The following CBFA2T3 variants were observed in gnomAD, a reference collection of about 807,000 sequenced individuals.
The protein encoded by CBFA2T3 is transcriptional corepressor CBFA2T3.
A neutral mutation model predicts 58.6 loss-of-function variants in CBFA2T3; 31 were observed. That is an observed-to-expected ratio of 0.53 (90% CI 0.40 to 0.71). CBFA2T3 has a LOEUF of 0.71. Ranked by LOEUF, CBFA2T3 falls within the 30% of genes least tolerant of loss-of-function variation. The pLI is 0.00. For synonymous variants in CBFA2T3, 531 were observed against 421.9 expected, an observed-to-expected ratio of 1.26 and a Z score of -3.17; for missense variants, 1,076 against 963.1, an observed-to-expected ratio of 1.12 and a Z score of -1.55.
At position 88,885,806 on chromosome 16, in the gene CBFA2T3, T is replaced by C. The variant is rs1357947779; in HGVS notation, c.893+155A>G. 2.3e-5 allele frequency: 15 copies of C among 644,154 alleles called. No individual in the cohort carries two copies. Among genetic ancestry groups the C allele is most frequent in the Admixed American group, 8.5e-5 (3 of 35,112 alleles). 39.9% of individuals were successfully genotyped at this position (644,154 alleles called of 1,614,324 possible). A position where few individuals can be genotyped will look rare whatever the true frequency, so the allele number is the denominator to read the frequency against. ...CCGCCCGTGCAGCCACCAAGCCTGC[T>C]GGCCCTAGTACACCTCGCCACGCTC... On this transcript the variant is annotated intron_variant, in intron 6 of 11. Transcript: ENST00000268679. This position sits in a 1 kb window ranked among gnomAD's most constrained non-coding sequence, Gnocchi z 5.3.
chr16:88,905,472 C>A (rs917744141), intron 1 of CBFA2T3, among the ~76,000 whole-genome samples: 2 of 151,930 alleles, frequency 1.3e-5, no homozygotes, highest in African/African-American at 4.8e-5. Flanking sequence ...GGTCCTGCCT[C>A]TTGTTTGACC....
chr16:88,897,962 G>A, intron 3 of CBFA2T3, 116 bp downstream of exon 3: 1 of 774,940 alleles, frequency 1.3e-6, no homozygotes, highest in South Asian at 1.4e-5. Context: ...GCAATGCTGA[G>A]GGTGCGGAGG....
chr16:88,891,915 G>T lies in CBFA2T3; in HGVS notation c.678C>A (p.Phe226Leu). 1 of 1,613,364 alleles carries T rather than the reference G, an allele frequency of 6.2e-7. No homozygotes were observed. The highest frequency in any genetic ancestry group is 8.5e-7 in the Non-Finnish European group (1 of 1,179,808). ...AGGGAATGACAAACGGCCGCAGAGG[G>T]AAGTTGGTGGCCTCCTGAAGCTTGG... ...FHSKLQEATN[F>L]PLRPFVIPFL... Residue 226 changes from phenylalanine to leucine, a missense_variant, in exon 5 of 12, where the codon TTC becomes TTA. By Grantham distance (22) the Phe-to-Leu change is conservative. Coordinates refer to ENST00000268679, the MANE Select transcript of CBFA2T3 (RefSeq NM_005187.6).
At chr16:88,925,625 A>T (rs555810308) in intron 1 of CBFA2T3, among the ~76,000 whole-genome samples, 1 of 152,306 alleles carries the variant, frequency 6.6e-6, no homozygotes, top group African/African-American at 2.4e-5. Flanking sequence ...GGCCACCTGG[A>T]TGACTCTGAA....
intron 5 of CBFA2T3, among the ~76,000 whole-genome samples, chr16:88,889,322 G>A (rs1417590126): frequency 7.6e-6 from 1 of 131,924 alleles, no homozygotes; most frequent in Non-Finnish European, 1.6e-5. Context: ...AGGGAGGGCA[G>A]GAGGAAAGGA....
intron 1 of CBFA2T3, among the ~76,000 whole-genome samples, chr16:88,913,657 C>A (rs181070969): frequency 3.9e-5 from 6 of 152,274 alleles, no homozygotes; most frequent in East Asian, 3.9e-4. Context: ...GGGTCTCAGC[C>A]GGGACCAGCA....
intron 1 of CBFA2T3, among the ~76,000 whole-genome samples, chr16:88,967,685 C>T (rs1023593231): frequency 9.2e-5 from 14 of 152,200 alleles, no homozygotes; most frequent in African/African-American, 3.4e-4. Context: ...CCCTGCGTGG[C>T]TCCCGCGACC....
chr16:88,888,193 G>GC (rs1470699267), intron 5 of CBFA2T3, among the ~76,000 whole-genome samples: 1 of 151,768 alleles, frequency 6.6e-6, no homozygotes, highest in Non-Finnish European at 1.5e-5. Context: ...AGCCAAGCAG[G>GC]CCCCCACTCT....
At chr16:88,940,592 G>GT (rs745675225) in intron 1 of CBFA2T3, among the ~76,000 whole-genome samples, 1 of 152,180 alleles carries the variant, frequency 6.6e-6, no homozygotes, top group Admixed American at 6.5e-5. Flanking sequence ...CAGCGCCGGG[G>GT]ACCCGGGCAG....
intron 1 of CBFA2T3, among the ~76,000 whole-genome samples, chr16:88,907,607 G>A (rs952669768): frequency 2.0e-5 from 3 of 152,206 alleles, no homozygotes; most frequent in African/African-American, 7.2e-5. Context: ...AGAGCCAGGT[G>A]TGGATCCAGG....
intron 1 of CBFA2T3, among the ~76,000 whole-genome samples, chr16:88,911,142 G>A (rs1056953639): frequency 3.3e-5 from 5 of 152,198 alleles, no homozygotes; most frequent in Admixed American, 2.0e-4. Flanking sequence ...GGTCCTCATG[G>A]GCCTGACCCA....
chr16:88,923,369 C>T (rs1970983088), intron 1 of CBFA2T3, among the ~76,000 whole-genome samples: 1 of 152,244 alleles, frequency 6.6e-6, no homozygotes, highest in Non-Finnish European at 1.5e-5. Context: ...CCAGGCTGAG[C>T]TGCTAGTTGC....
At chr16:88,916,812 G>A (rs544620266) in intron 1 of CBFA2T3, among the ~76,000 whole-genome samples, 36 of 152,266 alleles carry the variant, frequency 2.4e-4, no homozygotes, top group Non-Finnish European at 4.0e-4. Flanking sequence ...ACTGCTAGGT[G>A]GAGTGGCCAA....
intron 1 of CBFA2T3, among the ~76,000 whole-genome samples, chr16:88,952,161 C>T (rs1972090544): frequency 6.6e-6 from 1 of 152,058 alleles, no homozygotes; most frequent in Non-Finnish European, 1.5e-5. Context: ...GACAGAGAGA[C>T]TAATTTTTAT....
chr16:88,973,544 C>T (rs888601703), intron 1 of CBFA2T3, among the ~76,000 whole-genome samples: 1 of 152,144 alleles, frequency 6.6e-6, no homozygotes, highest in African/African-American at 2.4e-5. Context: ...CAATCCAGAC[C>T]CAGAACATTC....
chr16:88,908,718 G>T (rs1021124154), intron 1 of CBFA2T3, among the ~76,000 whole-genome samples: 4 of 152,216 alleles, frequency 2.6e-5, no homozygotes, highest in African/African-American at 4.8e-5. Context: ...CGCCAGCTCT[G>T]GAGTAACAAG....
intron 2 of CBFA2T3, among the ~76,000 whole-genome samples, chr16:88,899,436 G>A (rs528684123): frequency 6.6e-5 from 10 of 152,336 alleles, no homozygotes; most frequent in South Asian, 2.1e-4. Flanking sequence ...AAAAGCACCT[G>A]CTTATCTCTT....
chr16:88,927,701 C>T (rs567178023), intron 1 of CBFA2T3, among the ~76,000 whole-genome samples: 2 of 152,276 alleles, frequency 1.3e-5, no homozygotes, highest in South Asian at 2.1e-4. Context: ...CTGGGATGAT[C>T]CCCCTTCCGC....
At chr16:88,878,500 G>T (rs1004349221) in intron 11 of CBFA2T3, among the ~76,000 whole-genome samples, 1 of 152,204 alleles carries the variant, frequency 6.6e-6, no homozygotes, top group Admixed American at 6.5e-5. Flanking sequence ...GGTCGCGGAG[G>T]GTCCTCTGCC....
Sources: gnomAD v4.1 joint callset for allele counts (sites outside exome capture counted in the v4.1 genomes callset) on GRCh38, gnomAD v4.1.1 for gene constraint, Gnocchi (gnomAD v3.1) non-coding constraint, MANE v1.5 for transcripts, NCBI Gene and HGNC (gene_info 2026-07-23, HGNC 2026-07-21) for gene names.